The following ERAP1 variants were observed in gnomAD, a reference collection of about 807,000 sequenced individuals.
ERAP1 encodes endoplasmic reticulum aminopeptidase 1.
ERAP1 carries 86 observed loss-of-function variants against 103.7 expected under a neutral mutation model. That is an observed-to-expected ratio of 0.83 (90% confidence interval 0.70 to 0.99). The LOEUF (loss-of-function observed/expected upper bound fraction) is 0.99. Among genes scored for constraint, ERAP1 ranks in the 50% least tolerant of loss-of-function variants. The pLI is 0.00. For synonymous variants in ERAP1, 398 were observed against 402.4 expected, an observed-to-expected ratio of 0.99 and a Z score of 0.13; for missense variants, 1,009 against 1,128.4, an observed-to-expected ratio of 0.89 and a Z score of 1.52.
the ERAP1 span, chr5:96,883,799 G>A: frequency 6.2e-7 from 1 of 1,610,150 alleles, no homozygotes; most frequent in Non-Finnish European, 8.5e-7. Context: ...CAGAATTCTT[G>A]CAGTAACAGA....
At chr5:96,822,919 C>A in the ERAP1 span, 1 of 376,468 alleles carries the variant, frequency 2.7e-6, no homozygotes, top group Non-Finnish European at 5.3e-6. Flanking sequence ...AAGGTGTCAT[C>A]CAGGGATACA....
chr5:96,770,086 G>A (rs1771703392), downstream of ERAP1: 1 of 160,546 alleles, frequency 6.2e-6, no homozygotes, highest in Admixed American at 5.9e-5. Context: ...ATACCCAGAA[G>A]AGGGATTACT....
the ERAP1 span, among the ~76,000 whole-genome samples, chr5:96,912,258 T>C: frequency 4.1e-5 from 6 of 146,894 alleles, no homozygotes; most frequent in South Asian, 1.1e-3. Context: ...CATCAAGTAA[T>C]CATCTTTAAA....
chr5:96,842,880 T>C, the ERAP1 span, among the ~76,000 whole-genome samples: 13 of 152,216 alleles, frequency 8.5e-5, no homozygotes, highest in African/African-American at 2.9e-4. Context: ...GGATTTTTTT[T>C]CCACTGTTAT....
chr5:96,862,166 AT>A, the ERAP1 span, among the ~76,000 whole-genome samples: 1 of 152,004 alleles, frequency 6.6e-6, no homozygotes, highest in East Asian at 1.9e-4. Context: ...TTTTCTTTTT[AT>A]TTTTTGTAGA....
chr5:96,872,681 T>C, the ERAP1 span, among the ~76,000 whole-genome samples: 1 of 152,236 alleles, frequency 6.6e-6, no homozygotes, highest in African/African-American at 2.4e-5. Flanking sequence ...TTGTCTTTCA[T>C]ATATTTTCCC....
the ERAP1 span, chr5:96,903,364 C>T: frequency 1.9e-6 from 3 of 1,595,562 alleles, no homozygotes; most frequent in Admixed American, 1.8e-5. Context: ...CTATGCCAAT[C>T]TTATCCTCTT....
At chr5:96,900,071 G>A in the ERAP1 span, 1 of 1,609,938 alleles carries the variant, frequency 6.2e-7, no homozygotes, top group Non-Finnish European at 8.5e-7. Flanking sequence ...TGCACGTTCA[G>A]CCAACTAATG....
the ERAP1 span, among the ~76,000 whole-genome samples, chr5:96,923,980 G>C: frequency 2.6e-5 from 4 of 152,074 alleles, no homozygotes; most frequent in African/African-American, 9.7e-5. Context: ...AGAAAGTACT[G>C]GTTGGGTAGG....
intron 19 of ERAP1, chr5:96,767,947 GA>G: frequency 1.2e-6 from 2 of 1,613,642 alleles, no homozygotes; most frequent in Non-Finnish European, 1.7e-6. Context: ...GCTCTCTCAG[GA>G]GATCTGGACA....
exon 20 of ERAP1, chr5:96,762,840 T>A: frequency 3.0e-6 from 1 of 330,022 alleles, no homozygotes; most frequent in East Asian, 6.2e-5. Flanking sequence ...AGCATTGTTT[T>A]CTTCCCAATT....
the ERAP1 span, among the ~76,000 whole-genome samples, chr5:96,841,917 T>C: frequency 2.0e-5 from 3 of 152,116 alleles, no homozygotes; most frequent in African/African-American, 7.2e-5. Context: ...ACCCAGTGTG[T>C]AGTCTTTTAT....
chr5:96,794,620 A>G (rs960075311), intron 5 of ERAP1, among the ~76,000 whole-genome samples: 2 of 152,196 alleles, frequency 1.3e-5, no homozygotes, highest in Non-Finnish European at 2.9e-5. Flanking sequence ...TCAAACATAC[A>G]ATAGTTTTAA....
the ERAP1 span, among the ~76,000 whole-genome samples, chr5:96,888,462 T>C: frequency 1.7e-4 from 26 of 152,222 alleles, no homozygotes; most frequent in African/African-American, 5.5e-4. Context: ...ACCTGCTTCA[T>C]AGAGTGGGCA....
the ERAP1 span, chr5:96,814,159 C>A: frequency 2.2e-6 from 1 of 446,202 alleles, no homozygotes; most frequent in South Asian, 1.6e-5. Flanking sequence ...TGCTTCCAAG[C>A]TCACATCATT....
intron 4 of ERAP1, among the ~76,000 whole-genome samples, chr5:96,795,710 C>A (rs1261089842): frequency 6.6e-6 from 1 of 152,212 alleles, no homozygotes; most frequent in East Asian, 1.9e-4. Context: ...AAAGTGATCC[C>A]TGGACCAGTA....
At chr5:96,870,982 C>G in the ERAP1 span, among the ~76,000 whole-genome samples, 1 of 152,176 alleles carries the variant, frequency 6.6e-6, no homozygotes, top group Non-Finnish European at 1.5e-5. Flanking sequence ...TTTCTGGCAA[C>G]GTTTATTTTC....
At chr5:96,785,586 C>G in intron 13 of ERAP1, 1 of 602,726 alleles carries the variant, frequency 1.7e-6, no homozygotes, top group Non-Finnish European at 3.0e-6. Context: ...GATACAGATT[C>G]CTTCCTTCAA....
the ERAP1 span, among the ~76,000 whole-genome samples, chr5:96,844,202 G>A: frequency 6.6e-6 from 1 of 152,156 alleles, no homozygotes; most frequent in Non-Finnish European, 1.5e-5. Flanking sequence ...ATAATTCAGT[G>A]ATATGATGAC....
Sources: allele counts gnomAD v4.1 joint callset (sites outside exome capture counted in the v4.1 genomes callset), GRCh38; gene constraint gnomAD v4.1.1; transcripts MANE v1.5; gene names NCBI Gene and HGNC (gene_info 2026-07-23, HGNC 2026-07-21).